The following RHPN2 variants were observed in gnomAD, a reference collection of about 807,000 sequenced individuals.
RHPN2 encodes rhophilin Rho GTPase binding protein 2.
RHPN2 carries 40 observed loss-of-function variants against 79.0 expected under a neutral mutation model. The observed-to-expected ratio is 0.51, with a 90% CI of 0.39 to 0.66. RHPN2 has a LOEUF of 0.66. Among genes scored for constraint, RHPN2 ranks in the 30% least tolerant of loss-of-function variants. RHPN2 has a pLI of 0.00. For missense variants in RHPN2, 686 were observed against 883.5 expected (o/e 0.78, Z 2.83); for synonymous variants, 285 against 363.5 (o/e 0.78, Z 2.46).
intron 1 of RHPN2, among the ~76,000 whole-genome samples, chr19:33,054,175 C>T (rs1452318852): frequency 1.3e-5 from 2 of 148,944 alleles, no homozygotes; most frequent in African/African-American, 5.0e-5. Context: ...GTTTTTTTAC[C>T]ACCTGCCCTT....
intron 1 of RHPN2, among the ~76,000 whole-genome samples, chr19:33,059,101 A>T (rs1043957910): frequency 4.0e-5 from 6 of 151,674 alleles, no homozygotes; most frequent in South Asian, 2.1e-4. Flanking sequence ...TCTCAAAAAA[A>T]AATAATAATA....
At chr19:33,025,327 A>AG (rs1340673526) in intron 3 of RHPN2, among the ~76,000 whole-genome samples, 2 of 151,240 alleles carry the variant, frequency 1.3e-5, no homozygotes, top group Non-Finnish European at 2.9e-5. Flanking sequence ...AAAAAAAAAA[A>AG]AACAATTAGC....
chr19:32,996,257 T>C (rs1257781906), intron 10 of RHPN2, 37 bp from the exon 11 acceptor site: 6 of 1,612,748 alleles, frequency 3.7e-6, no homozygotes, highest in Non-Finnish European at 4.2e-6. Flanking sequence ...GACTTGCAGA[T>C]CCACCAAGCA....
rs879839119 is a variant in RHPN2 at position 33,008,417 on chromosome 19, CT to C, written c.594-238del. 5.9e-3 allele frequency among the ~76,000 whole-genome samples: 854 copies of C among 145,464 alleles called. 3 individuals carry two copies. Among genetic ancestry groups the C allele is most frequent in the African/African-American group, 0.015 (594 of 40,286 alleles). On this transcript the variant is annotated intron_variant, in intron 6 of 14. Coordinates refer to ENST00000254260, the MANE Select transcript of RHPN2 (RefSeq NM_033103.5). The stretch of plus-strand genomic sequence containing the variant: ...TACTGGTGCATGCCACCATACCTGC[CT>C]TTTTTTTTTTTTTTAATTTTTGTAG...
At chr19:32,994,253 A>G (rs1373427621) in intron 11 of RHPN2, among the ~76,000 whole-genome samples, 200 bp from the exon 12 acceptor site, 1 of 151,928 alleles carries the variant, frequency 6.6e-6, no homozygotes, top group East Asian at 1.9e-4. Flanking sequence ...AAAATTAGCC[A>G]GGTATGGTGG....
rs1008787763 is a variant in RHPN2 at position 33,034,283 on chromosome 19, C to T, written c.186-7651G>A. 8.3e-5 allele frequency among the ~76,000 whole-genome samples: 12 copies of T among 143,884 alleles called. No homozygotes were observed. In the South Asian group the frequency reaches 1.2e-3, roughly 14 times the overall value. 94.4% of individuals were successfully genotyped at this position (143,884 alleles called of 152,430 possible). On this transcript the variant is annotated intron_variant, in intron 2 of 14. Transcript: ENST00000254260. ...GTCTGGAGTTTGAGACCAGACTGGC[C>T]AACACAGTGAAACCCCGTCTCTACT...
intron 2 of RHPN2, among the ~76,000 whole-genome samples, chr19:33,042,084 G>A (rs907721682): frequency 1.3e-5 from 2 of 152,102 alleles, no homozygotes; most frequent in African/African-American, 4.8e-5. Flanking sequence ...AGCTATTTGG[G>A]AGGCTGAGGC....
chr19:33,011,867 AAGGTGCCCTGCACATACCAGC>A, intron 5 of RHPN2, 64 bp from the exon 6 acceptor site: 1 of 1,610,848 alleles, frequency 6.2e-7, no homozygotes, highest in Admixed American at 1.7e-5. Context: ...CCCTTCCCAG[AAGGTGCCCTGCACATACCAGC>A]AGGTGCCTGT....
chr19:32,990,724 T>C, intron 13 of RHPN2, 55 bp from the exon 14 acceptor site: 1 of 1,604,978 alleles, frequency 6.2e-7, no homozygotes, highest in African/African-American at 1.3e-5. Context: ...AATCCTTGAA[T>C]CAGTCCCCAT....
rs1433542200 is a variant in RHPN2 at position 33,049,409 on chromosome 19, C to T, written c.70-5045G>A. On this transcript the variant is annotated intron_variant, in intron 1 of 14. Coordinates refer to ENST00000254260, the MANE Select transcript of RHPN2 (RefSeq NM_033103.5). ...ACAGCTTCCAGAATAGCCTCTGCAA[C>T]TCAGAGACAGGGATTGGTTCTCAAC... Among the ~76,000 whole-genome samples, 13 of 152,244 alleles carry T rather than the reference C, an allele frequency of 8.5e-5. No homozygotes were observed. In the South Asian group the frequency reaches 2.7e-3, roughly 32 times the overall value.
intron 4 of RHPN2, among the ~76,000 whole-genome samples, chr19:33,016,465 G>A (rs573501271): frequency 6.6e-6 from 1 of 152,292 alleles, no homozygotes; most frequent in East Asian, 1.9e-4. Context: ...TGGATCACTT[G>A]AGGTCAGGAG....
At chr19:33,050,175 T>G (rs565296233) in intron 1 of RHPN2, among the ~76,000 whole-genome samples, 1 of 152,136 alleles carries the variant, frequency 6.6e-6, no homozygotes, top group African/African-American at 2.4e-5. Flanking sequence ...GCCTTGAACC[T>G]GGGAGGCTGT....
rs771295262 is a variant in RHPN2, at chr19:32,996,100, C to T, written c.1346G>A (p.Arg449His). 18 of 1,613,908 alleles carry T rather than the reference C, an allele frequency of 1.1e-5. No homozygotes were observed. Among genetic ancestry groups the T allele is most frequent in the Admixed American group, 8.3e-5 (5 of 59,992 alleles). Residue 449 changes from arginine (R) to histidine (H), a missense_variant, in exon 11 of 15, where the codon CGC becomes CAC. Coordinates refer to ENST00000254260, the MANE Select transcript of RHPN2 (RefSeq NM_033103.5). ...LQKVLCAAQE[R>H]SRLTYAQHQE... ...GTGCTGGGCGTACGTGAGCCGGGAGCGTTCCTGTGCGGCACACAGCACCTT... is the reference window on the plus strand; with the variant it reads ...GTGCTGGGCGTACGTGAGCCGGGAGTGTTCCTGTGCGGCACACAGCACCTT...
At chr19:33,005,391 C>T (rs940768202) in intron 7 of RHPN2, among the ~76,000 whole-genome samples, 5 of 117,314 alleles carry the variant, frequency 4.3e-5, no homozygotes, top group Non-Finnish European at 8.1e-5. Flanking sequence ...CCAGCCTGGG[C>T]GACAGAGTGA....
chr19:32,982,401 T>A (rs1298990723), intron 14 of RHPN2, among the ~76,000 whole-genome samples: 2 of 151,900 alleles, frequency 1.3e-5, no homozygotes, highest in Non-Finnish European at 2.9e-5. Flanking sequence ...AGTGAGACGC[T>A]ATTGCAAAAA....
intron 2 of RHPN2, among the ~76,000 whole-genome samples, chr19:33,033,016 A>T (rs1972025399): frequency 6.6e-6 from 1 of 152,156 alleles, no homozygotes; most frequent in African/African-American, 2.4e-5. Context: ...TACATGTTGT[A>T]TGAATATGTT....
At chr19:33,057,576 A>T (rs1236213641) in intron 1 of RHPN2, among the ~76,000 whole-genome samples, 1 of 150,792 alleles carries the variant, frequency 6.6e-6, no homozygotes, top group Non-Finnish European at 1.5e-5. Flanking sequence ...GCTACTCAGG[A>T]GCCTGAGGCA....
chr19:32,988,524 C>T (rs1971629196), intron 14 of RHPN2, among the ~76,000 whole-genome samples: 3 of 152,038 alleles, frequency 2.0e-5, no homozygotes, highest in Admixed American at 1.3e-4. Context: ...CACACCACGC[C>T]GTTCCCCTTC....
chr19:32,991,442 G>C (rs1187646636), intron 13 of RHPN2: 2 of 300,960 alleles, frequency 6.6e-6, no homozygotes, highest in Non-Finnish European at 1.3e-5. Flanking sequence ...CTGGGCGACA[G>C]AGTGAGACTG....
Sources: gnomAD v4.1 joint callset for allele counts (sites outside exome capture counted in the v4.1 genomes callset) on GRCh38, gnomAD v4.1.1 for gene constraint, MANE v1.5 for transcripts, NCBI Gene and HGNC (gene_info 2026-07-23, HGNC 2026-07-21) for gene names.